Variants in ADGRV1 observed in about 807,000 individuals in gnomAD.
ADGRV1 encodes the protein adhesion G protein-coupled receptor V1, also known as G-protein coupled receptor 98.
A neutral mutation model predicts 596.2 loss-of-function variants in ADGRV1; 359 were observed. The ratio of observed to expected loss-of-function variants is 0.60; its 90% CI spans 0.55 to 0.66. The LOEUF (loss-of-function observed/expected upper bound fraction) is 0.66, where lower values mean the gene tolerates loss of function less well. Among genes scored for constraint, ADGRV1 ranks in the 30% least tolerant of loss-of-function variants. The probability of loss-of-function intolerance (pLI) is 0.00; values close to 1 mark genes in which losing one functional copy is unlikely to be tolerated. For synonymous variants in ADGRV1, 2,681 were observed against 2,679.2 expected (o/e 1.00, Z -0.02); for missense variants, 7,274 against 7,575.6 (o/e 0.96, Z 1.48).
rs376062087 is a variant in ADGRV1 at position 90,840,746 on chromosome 5, C to T, written c.16780C>T (p.Arg5594Cys). 7 of 1,613,976 alleles carry T rather than the reference C, an allele frequency of 4.3e-6. No homozygotes were observed. The South Asian group carries it at 4.4e-5, about 10-fold the overall frequency. Residue 5594 changes from arginine (R) to cysteine (C), a missense_variant, in exon 78 of 90, where the codon CGC becomes TGC. By Grantham distance (180) the Arg-to-Cys change is radical (BLOSUM62 -3). This residue lies in a region of ADGRV1 where 1,874 missense variants were observed against 1,970.2 expected (regional missense o/e 0.95). Transcript: ENST00000405460. ...AGGATCTTTAAATTCATTTCCTAAA[C>T]GCTTCCAGATTGTCCTTTTTGACCC... ...ETGSLNSFPK[R>C]FQIVLFDPKG...
At chr5:90,977,496 A>G (rs1779712202) in intron 84 of ADGRV1, among the ~76,000 whole-genome samples, 1 of 152,204 alleles carries the variant, frequency 6.6e-6, no homozygotes, top group Non-Finnish European at 1.5e-5. Flanking sequence ...CAAATAGCCT[A>G]TTTTTAACTT....
At chr5:90,709,971 A>G (rs755509630) in intron 39 of ADGRV1, among the ~76,000 whole-genome samples, 2 of 152,246 alleles carry the variant, frequency 1.3e-5, no homozygotes, top group Non-Finnish European at 2.9e-5. Context: ...AGCTTAGGCT[A>G]AGAGAAGCTG....
chr5:90,745,471 G>T (rs74959352), intron 51 of ADGRV1, 120 bp from the exon 52 acceptor site: 2 of 776,400 alleles, frequency 2.6e-6, no homozygotes, highest in South Asian at 2.1e-5. Context: ...TAAAATTTTC[G>T]TTATGAAATG....
At chr5:91,127,345 A>G (rs2950856) in intron 87 of ADGRV1, among the ~76,000 whole-genome samples, 122,794 of 151,988 alleles carry the variant, frequency 0.81, 50,007 homozygotes, top group African/African-American at 0.92. Context: ...TTTGAGACCC[A>G]CCTGGGCAAC....
At chr5:90,794,003 G>T (rs1015225438) in intron 70 of ADGRV1, among the ~76,000 whole-genome samples, 11 of 152,166 alleles carry the variant, frequency 7.2e-5, no homozygotes, top group African/African-American at 2.7e-4. Context: ...CCAAAGACAA[G>T]ATTTTTTTCA....
intron 1 of ADGRV1, among the ~76,000 whole-genome samples, chr5:90,564,215 G>A (rs6452893): frequency 0.063 from 9,600 of 152,208 alleles, 883 homozygotes; most frequent in African/African-American, 0.21. Flanking sequence ...CTTTTGTTAC[G>A]GTTATAGTTA....
At chr5:90,986,491 C>G (rs1054304810) in intron 85 of ADGRV1, among the ~76,000 whole-genome samples, 5 of 151,986 alleles carry the variant, frequency 3.3e-5, no homozygotes, top group Admixed American at 2.0e-4. Flanking sequence ...CACACATAGG[C>G]AATCACAGAC....
chr5:91,107,573 G>A (rs531381623), intron 87 of ADGRV1, among the ~76,000 whole-genome samples: 1 of 152,274 alleles, frequency 6.6e-6, no homozygotes, highest in African/African-American at 2.4e-5. Context: ...TCTCTTAAAG[G>A]CAAGAGGCAA....
intron 83 of ADGRV1, among the ~76,000 whole-genome samples, chr5:90,931,580 C>G (rs1775256700): frequency 6.6e-6 from 1 of 152,072 alleles, no homozygotes; most frequent in Non-Finnish European, 1.5e-5. Context: ...TTAAAAATCA[C>G]AAATTGTAAG....
chr5:90,745,285 C>T lies in ADGRV1; in HGVS notation c.10769+20C>T. 1 of 1,472,114 alleles carries T rather than the reference C, an allele frequency of 6.8e-7. No individual in the cohort carries two copies. The highest frequency in any genetic ancestry group is 1.3e-5 in the South Asian group (1 of 79,384). The allele number at this position is 1,472,114 out of a possible 1,614,324, so 91.2% of individuals were successfully genotyped here. A position where few individuals can be genotyped will look rare whatever the true frequency, so the allele number is the denominator to read the frequency against. Reference sequence around the variant, plus strand: ...TCCTAGGTAGGTTCAACATTTTTTGCTAAGTATCTTTATGTTCACTGTAAT... The same window carrying T: ...TCCTAGGTAGGTTCAACATTTTTTGTTAAGTATCTTTATGTTCACTGTAAT... On this transcript the variant is annotated intron_variant, in intron 51 of 89. Coordinates refer to ENST00000405460, the MANE Select transcript of ADGRV1 (RefSeq NM_032119.4).
At chr5:90,666,873 T>G (rs1203431222) in intron 21 of ADGRV1, among the ~76,000 whole-genome samples, 4 of 151,630 alleles carry the variant, frequency 2.6e-5, no homozygotes, top group Non-Finnish European at 5.9e-5. Context: ...CTTATGAAGC[T>G]TAGTTTGGCT....
At chr5:90,601,850 G>C (rs891351480) in intron 1 of ADGRV1, among the ~76,000 whole-genome samples, 1 of 152,210 alleles carries the variant, frequency 6.6e-6, no homozygotes, top group Admixed American at 6.5e-5. Context: ...ACTGCTGGAG[G>C]CTATAATTGC....
At chr5:91,059,277 A>G (rs1314161287) in intron 85 of ADGRV1, among the ~76,000 whole-genome samples, 2 of 152,184 alleles carry the variant, frequency 1.3e-5, no homozygotes, top group Non-Finnish European at 2.9e-5. Context: ...GAGAAGCTAC[A>G]TACTGAGTAT....
chr5:90,756,779 G>T, intron 56 of ADGRV1, 149 bp downstream of exon 56: 1 of 787,632 alleles, frequency 1.3e-6, no homozygotes, highest in Non-Finnish European at 2.0e-6. Flanking sequence ...GTCTCTTTGG[G>T]CTAGACCAAA....
At chr5:91,126,067 C>T (rs1440870489) in intron 87 of ADGRV1, among the ~76,000 whole-genome samples, 1 of 152,226 alleles carries the variant, frequency 6.6e-6, no homozygotes, top group African/African-American at 2.4e-5. Flanking sequence ...TATTTTCACT[C>T]ATTTGGCACC....
intron 83 of ADGRV1, among the ~76,000 whole-genome samples, chr5:90,885,807 G>A (rs967807935): frequency 2.6e-5 from 4 of 151,782 alleles, no homozygotes; most frequent in Non-Finnish European, 5.9e-5. Flanking sequence ...TTAGCCTATT[G>A]TTTTAAGGAG....
chr5:90,811,727 C>CTT (rs78107294), intron 74 of ADGRV1, among the ~76,000 whole-genome samples: 8 of 139,312 alleles, frequency 5.7e-5, no homozygotes, highest in South Asian at 4.5e-4. Context: ...GCAGGAAATT[C>CTT]TTTTTTTTTT....
chr5:90,670,914 G>C (rs1320989046), intron 21 of ADGRV1, among the ~76,000 whole-genome samples: 2 of 152,200 alleles, frequency 1.3e-5, no homozygotes, highest in Non-Finnish European at 2.9e-5. Context: ...AAGGCATAAA[G>C]AATGCCAGCT....
At chr5:90,668,427 C>T (rs1771888535) in intron 21 of ADGRV1, among the ~76,000 whole-genome samples, 1 of 152,218 alleles carries the variant, frequency 6.6e-6, no homozygotes, top group African/African-American at 2.4e-5. Context: ...TCCCTGACCC[C>T]TTGCGCTTCC....
Sources: allele counts gnomAD v4.1 joint callset (sites outside exome capture counted in the v4.1 genomes callset), GRCh38; gene constraint gnomAD v4.1.1; regional missense constraint gnomAD v4.1.1; transcripts MANE v1.5; gene names NCBI Gene and HGNC (gene_info 2026-07-23, HGNC 2026-07-21).